DNAH14: variants seen among roughly 807,000 people sequenced by gnomAD.
The protein encoded by DNAH14 is dynein axonemal heavy chain 14, also known as axonemal beta dynein heavy chain 14.
In DNAH14, 478 loss-of-function variants were observed where a neutral mutation model predicts 520.9. That is an observed-to-expected ratio of 0.92 (90% CI 0.85 to 0.99). DNAH14 has a LOEUF of 0.99. DNAH14 is among the 50% of genes least tolerant of loss of function. The pLI, the probability that DNAH14 is intolerant of heterozygous loss-of-function variation, is 0.00. For missense variants in DNAH14, 4,831 were observed against 5,234.5 expected, an observed-to-expected ratio of 0.92 and a Z score of 2.38; for synonymous variants, 1,581 against 1,757.2, an observed-to-expected ratio of 0.90 and a Z score of 2.51.
intron 23 of DNAH14, among the ~76,000 whole-genome samples, chr1:225,108,163 T>A (rs2076227413): frequency 1.3e-5 from 2 of 152,164 alleles, no homozygotes; most frequent in African/African-American, 4.8e-5. Flanking sequence ...TTTATCTTTC[T>A]CCCTTGCTGG....
In DNAH14 at chr1:225,346,637, C is replaced by T; in HGVS notation, c.11279C>T (p.Ser3760Phe). The T allele has an allele frequency of 1.9e-6, 3 of 1,545,560 alleles. No homozygotes were observed. The highest frequency in any genetic ancestry group is 2.6e-6 in the Non-Finnish European group (3 of 1,143,976). Reference sequence around the variant, plus strand: ...TTGATAAATATTAAAAGTGCATTATCCCAGTCTAGACTTACTAGTAAGTAA... The same window carrying T: ...TTGATAAATATTAAAAGTGCATTATTCCAGTCTAGACTTACTAGTAAGTAA... ...GILINIKSAL[S>F]QSRLTSTFEI... The change falls in exon 71 of 86, where the codon TCC becomes TTC. Residue 3760 changes from serine (S) to phenylalanine (F), a missense_variant. Physicochemically the swap from Ser to Phe is radical, Grantham distance 155. Transcript: ENST00000682510.
At chr1:225,354,258 G>T in intron 73 of DNAH14, 1 of 701,922 alleles carries the variant, frequency 1.4e-6, no homozygotes, top group Non-Finnish European at 2.6e-6. Context: ...TGGCTGACCA[G>T]CACTGCTTGT....
chr1:224,958,664 G>A (rs1461401022), intron 3 of DNAH14, among the ~76,000 whole-genome samples: 1 of 152,046 alleles, frequency 6.6e-6, no homozygotes, highest in Non-Finnish European at 1.5e-5. Context: ...GTGATGACAA[G>A]CACTATTATG....
At chr1:225,375,445 T>G (rs1349310835) in intron 78 of DNAH14, among the ~76,000 whole-genome samples, 1 of 151,878 alleles carries the variant, frequency 6.6e-6, no homozygotes, top group Non-Finnish European at 1.5e-5. Flanking sequence ...CTTTGATGGG[T>G]GGGAATTTGG....
At chr1:225,208,685 G>C (rs997927597) in intron 41 of DNAH14, among the ~76,000 whole-genome samples, 1 of 152,040 alleles carries the variant, frequency 6.6e-6, no homozygotes, top group African/African-American at 2.4e-5. Flanking sequence ...ATAGGATCCT[G>C]GAGTATTTAA....
At chr1:225,364,702 G>T in intron 75 of DNAH14, 90 bp from the exon 76 acceptor site, 1 of 885,290 alleles carries the variant, frequency 1.1e-6, no homozygotes, top group Admixed American at 3.0e-5. Flanking sequence ...GATTCGTAAG[G>T]CCACTTCAAA....
At chr1:225,388,817 C>T (rs899979571) in intron 82 of DNAH14, among the ~76,000 whole-genome samples, 6 of 152,090 alleles carry the variant, frequency 3.9e-5, no homozygotes, top group African/African-American at 1.4e-4. Flanking sequence ...CCCTCTGTCA[C>T]CCAGGCTGGA....
chr1:225,173,065 G>A (rs2082892618), intron 36 of DNAH14, among the ~76,000 whole-genome samples: 2 of 152,282 alleles, frequency 1.3e-5, no homozygotes, highest in South Asian at 4.1e-4. Flanking sequence ...TATGTAGAAA[G>A]CTGAAACTGA....
At chr1:225,111,492 C>G (rs530878584) in intron 23 of DNAH14, among the ~76,000 whole-genome samples, 1 of 151,692 alleles carries the variant, frequency 6.6e-6, no homozygotes, top group African/African-American at 2.4e-5. Context: ...ATATCTTTTT[C>G]CACCCTTTTA....
intron 37 of DNAH14, among the ~76,000 whole-genome samples, chr1:225,187,159 T>C (rs529710844): frequency 1.3e-5 from 2 of 151,998 alleles, no homozygotes; most frequent in Admixed American, 1.3e-4. Context: ...TACTGCCAGG[T>C]AAAATTCACA....
chr1:225,113,681 A>T (rs1350417260), intron 23 of DNAH14, among the ~76,000 whole-genome samples: 3 of 152,154 alleles, frequency 2.0e-5, no homozygotes, highest in Non-Finnish European at 4.4e-5. Flanking sequence ...CTGAGCTGGC[A>T]CTCAAACCAC....
chr1:225,228,280 A>G (rs2090749147), intron 41 of DNAH14, among the ~76,000 whole-genome samples: 1 of 152,222 alleles, frequency 6.6e-6, no homozygotes, highest in South Asian at 2.1e-4. Context: ...CAGGGTATAG[A>G]TCAAAAGATT....
chr1:225,199,660 G>A, intron 38 of DNAH14, among the ~76,000 whole-genome samples: 1 of 152,008 alleles, frequency 6.6e-6, no homozygotes, highest in Non-Finnish European at 1.5e-5. Context: ...GTTCCTTTTG[G>A]ACTTGATTTC....
intron 49 of DNAH14, among the ~76,000 whole-genome samples, chr1:225,268,082 C>G (rs1385150349): frequency 6.6e-6 from 1 of 152,154 alleles, no homozygotes; most frequent in East Asian, 1.9e-4. Context: ...TCAATTGGCT[C>G]TTCTGATTTC....
At chr1:225,100,039 A>T (rs939081497) in intron 22 of DNAH14, among the ~76,000 whole-genome samples, 1 of 152,200 alleles carries the variant, frequency 6.6e-6, no homozygotes, top group African/African-American at 2.4e-5. Context: ...TATTTCTCTC[A>T]TTCAATTCCA....
At chr1:225,119,650 T>A (rs1387205374) in intron 26 of DNAH14, among the ~76,000 whole-genome samples, 1 of 152,212 alleles carries the variant, frequency 6.6e-6, no homozygotes, top group Non-Finnish European at 1.5e-5. Flanking sequence ...ACTTTGCATT[T>A]TGGTTCTACT....
intron 9 of DNAH14, among the ~76,000 whole-genome samples, chr1:225,005,586 A>G (rs1161375705): frequency 6.6e-6 from 1 of 152,168 alleles, no homozygotes; most frequent in Non-Finnish European, 1.5e-5. Flanking sequence ...GTAGTCAGAT[A>G]TGGGACCAGG....
intron 74 of DNAH14, among the ~76,000 whole-genome samples, chr1:225,358,965 G>C (rs1413719310): frequency 6.6e-6 from 1 of 152,182 alleles, no homozygotes; most frequent in African/African-American, 2.4e-5. Context: ...AGTTTGTAAA[G>C]ATCCATGCAG....
rs1327122194 is a variant in DNAH14 at position 224,960,244 on chromosome 1, T to C, written c.309T>C (p.Asp103=). The change falls in exon 4 of 86, where the codon GAT becomes GAC. Residue 103 remains aspartate, a synonymous_variant. Transcript: ENST00000682510. The stretch of plus-strand genomic sequence containing the variant: ...AAGGGAAGTCAAGGAGAAAAAAGGA[T>C]CAAACTCATGCTTGTCCAAATGTTA... ...KEKGKSRRKK[D]QTHACPNVRK... 6.2e-7 allele frequency: 1 copy of C among 1,612,014 alleles called. No homozygotes were observed. The highest frequency in any genetic ancestry group is 2.2e-5 in the East Asian group (1 of 44,796).
Sources: allele counts gnomAD v4.1 joint callset (sites outside exome capture counted in the v4.1 genomes callset), GRCh38; gene constraint gnomAD v4.1.1; transcripts MANE v1.5; gene names NCBI Gene and HGNC (gene_info 2026-07-23, HGNC 2026-07-21).